USP15: variants seen among roughly 807,000 people sequenced by gnomAD.
The protein encoded by USP15 is ubiquitin specific peptidase 15, also known as ubiquitin carboxyl-terminal hydrolase 15.
Under a neutral mutation model 127.1 loss-of-function variants are expected in USP15, and 18 were observed. The ratio of observed to expected loss-of-function variants is 0.14; its 90% CI spans 0.10 to 0.21. The LOEUF (loss-of-function observed/expected upper bound fraction) is 0.21, where lower values mean the gene tolerates loss of function less well. Ranked by LOEUF, USP15 falls within the 10% of genes least tolerant of loss-of-function variation. The pLI is 1.00. For synonymous variants in USP15, 364 were observed against 393.7 expected, an observed-to-expected ratio of 0.92 and a Z score of 0.89; for missense variants, 805 against 1,159.9, an observed-to-expected ratio of 0.69 and a Z score of 4.44.
rs530754192 is a variant in USP15 at position 62,365,821 on chromosome 12, G to A, written c.915+10346G>A. Among the ~76,000 whole-genome samples, 32 of 152,134 alleles carry A rather than the reference G, an allele frequency of 2.1e-4. No homozygotes were observed. In the South Asian group the frequency reaches 6.6e-3, roughly 32 times the overall value. On this transcript the variant is annotated intron_variant, in intron 8 of 21. Transcript: ENST00000280377. ...TTATTAAATAGAGAATCCTTTCCCCGTTGCTTGTTTGTGTCAGGTTTGTCA... is the reference window on the plus strand; with the variant it reads ...TTATTAAATAGAGAATCCTTTCCCCATTGCTTGTTTGTGTCAGGTTTGTCA...
chr12:62,335,724 C>T, intron 6 of USP15: 1 of 985,428 alleles, frequency 1.0e-6, no homozygotes, highest in Non-Finnish European at 1.2e-6. Context: ...TTTTCTTTGA[C>T]AGCCACCTAC....
chr12:62,304,658 A>C (rs1194235995), intron 3 of USP15: 9 of 447,506 alleles, frequency 2.0e-5, no homozygotes, highest in African/African-American at 1.8e-4. Context: ...GATCTCTAAA[A>C]TGCGTCATTT....
intron 6 of USP15, chr12:62,335,460 A>G (rs1403677996): frequency 1.5e-6 from 2 of 1,317,974 alleles, no homozygotes; most frequent in Admixed American, 3.6e-5. Context: ...TCACCTTACT[A>G]TTTAAGGACA....
At chr12:62,261,538 T>C (rs2063058112) in intron 1 of USP15, among the ~76,000 whole-genome samples, 2 of 152,220 alleles carry the variant, frequency 1.3e-5, no homozygotes, top group Non-Finnish European at 2.9e-5. Flanking sequence ...ACCTGAGTTA[T>C]GTCACAGTTT....
intron 3 of USP15, among the ~76,000 whole-genome samples, chr12:62,310,508 T>C (rs1454159349): frequency 6.6e-6 from 1 of 151,946 alleles, no homozygotes; most frequent in Non-Finnish European, 1.5e-5. Flanking sequence ...CTGGCTTATT[T>C]CACTTAATAT....
At chr12:62,388,175 A>G (rs2067217806) in intron 11 of USP15, among the ~76,000 whole-genome samples, 2 of 136,438 alleles carry the variant, frequency 1.5e-5, no homozygotes, top group South Asian at 2.2e-4. Context: ...CTGTCACCCA[A>G]GTTGGAGTAC....
chr12:62,265,155 G>A (rs1183283736), intron 1 of USP15, among the ~76,000 whole-genome samples: 2 of 152,134 alleles, frequency 1.3e-5, no homozygotes, highest in Non-Finnish European at 2.9e-5. Flanking sequence ...TATCTGTTTT[G>A]TGAAATTAAG....
At chr12:62,314,735 A>G in intron 3 of USP15, 55 bp from the exon 4 acceptor site, 1 of 1,381,876 alleles carries the variant, frequency 7.2e-7, no homozygotes, top group East Asian at 2.7e-5. Context: ...TATTGTTATT[A>G]GAGTGAAATA....
chr12:62,377,090 A>AG (rs1309476717), intron 8 of USP15, among the ~76,000 whole-genome samples: 1 of 152,078 alleles, frequency 6.6e-6, no homozygotes, highest in Non-Finnish European at 1.5e-5. Flanking sequence ...GTATACATTT[A>AG]GGGGGTACAT....
intron 6 of USP15, among the ~76,000 whole-genome samples, chr12:62,344,355 CA>C (rs886541759): frequency 6.6e-6 from 1 of 152,196 alleles, no homozygotes; most frequent in Non-Finnish European, 1.5e-5. Flanking sequence ...CTTAAAGCTC[CA>C]AAATGATCTC....
At chr12:62,370,135 C>T (rs1427296461) in intron 8 of USP15, among the ~76,000 whole-genome samples, 4 of 152,074 alleles carry the variant, frequency 2.6e-5, no homozygotes, top group African/African-American at 9.7e-5. Context: ...CCACCACTCC[C>T]GGCTAATATT....
At chr12:62,270,637 A>G (rs1013913503) in intron 1 of USP15, among the ~76,000 whole-genome samples, 5 of 152,134 alleles carry the variant, frequency 3.3e-5, no homozygotes, top group African/African-American at 1.2e-4. Context: ...TCCCTGTGCA[A>G]TTATCTTGGT....
intron 6 of USP15, among the ~76,000 whole-genome samples, chr12:62,343,165 C>CCACTTTGCCACAT (rs2065699537): frequency 1.3e-5 from 2 of 152,024 alleles, no homozygotes; most frequent in South Asian, 4.1e-4. Context: ...CTTTGCCACA[C>CCACTTTGCCACAT]TGTGGTGAAT....
At chr12:62,304,781 A>G (rs2064426221) in intron 3 of USP15, 1 of 434,518 alleles carries the variant, frequency 2.3e-6, no homozygotes, top group African/African-American at 2.0e-5. Context: ...CCCATAAGAA[A>G]CCCAGGTAAT....
rs911805170 is a variant in USP15 at position 62,410,851 on chromosome 12, T to TG, written c.*6476_*6477insG. 6.5e-5 allele frequency: 6 copies of TG among 91,964 alleles called. No individual in the cohort carries two copies. The highest frequency in any genetic ancestry group is 2.2e-4 in the African/African-American group (6 of 27,710). 5.7% of individuals were successfully genotyped at this position (91,964 alleles called of 1,614,324 possible). Reference sequence around the variant, plus strand: ...GAGTCAAGTTAATATTTGTTTTTGTTTTTTTTTTTTTTTAATTTTGGGCCT... The same window carrying TG: ...GAGTCAAGTTAATATTTGTTTTTGTTGTTTTTTTTTTTTTAATTTTGGGCCT... On this transcript the variant is annotated 3_prime_UTR_variant, in exon 22 of 22. Transcript: ENST00000280377.
At chr12:62,387,146 G>A (rs953731858) in intron 11 of USP15, among the ~76,000 whole-genome samples, 13 of 152,150 alleles carry the variant, frequency 8.5e-5, no homozygotes, top group Non-Finnish European at 1.6e-4. Context: ...GAACACTTAG[G>A]TAGAGATATC....
intron 1 of USP15, among the ~76,000 whole-genome samples, chr12:62,262,187 G>A (rs1385171091): frequency 6.6e-6 from 1 of 151,970 alleles, no homozygotes; most frequent in South Asian, 2.1e-4. Context: ...GCAGTGAGCC[G>A]AGATCCGGCC....
chr12:62,308,835 G>A (rs1272131509), intron 3 of USP15, among the ~76,000 whole-genome samples: 1 of 152,050 alleles, frequency 6.6e-6, no homozygotes, highest in Non-Finnish European at 1.5e-5. Context: ...GTAACAAAGA[G>A]ATAACCTGAT....
intron 8 of USP15, chr12:62,374,637 T>G (rs1400015884): frequency 1.1e-6 from 1 of 919,702 alleles, no homozygotes. Flanking sequence ...GGTTATATAA[T>G]AGAACATTAT....
Sources: gnomAD v4.1 joint callset for allele counts (sites outside exome capture counted in the v4.1 genomes callset) on GRCh38, gnomAD v4.1.1 for gene constraint, MANE v1.5 for transcripts, NCBI Gene and HGNC (gene_info 2026-07-23, HGNC 2026-07-21) for gene names.